The following FMN1 variants were observed in gnomAD, a reference collection of about 807,000 sequenced individuals.
FMN1 encodes the protein formin 1, also known as formin-1.
FMN1 carries 110 observed loss-of-function variants against 132.4 expected under a neutral mutation model. That is an observed-to-expected ratio of 0.83 (90% CI 0.71 to 0.97). The LOEUF (loss-of-function observed/expected upper bound fraction) is 0.97. FMN1 is among the 50% of genes least tolerant of loss of function. FMN1 has a pLI of 0.00. For missense variants in FMN1, 1,792 were observed against 1,705.3 expected, an observed-to-expected ratio of 1.05 and a Z score of -0.90; for synonymous variants, 722 against 651.7, an observed-to-expected ratio of 1.11 and a Z score of -1.64.
intron 4 of FMN1, among the ~76,000 whole-genome samples, chr15:33,112,298 A>AG (rs2140131009): frequency 6.6e-6 from 1 of 151,824 alleles, no homozygotes; most frequent in Non-Finnish European, 1.5e-5. Context: ...ATAAAACAAA[A>AG]TATTTTTATA....
intron 4 of FMN1, among the ~76,000 whole-genome samples, 160 bp from the exon 5 acceptor site, chr15:33,089,134 T>G (rs2038813565): frequency 6.6e-6 from 1 of 152,234 alleles, no homozygotes; most frequent in Admixed American, 6.5e-5. Flanking sequence ...AAAGTATTTC[T>G]CCCGACAATT....
At chr15:32,781,348 T>G (rs763676317) in intron 19 of FMN1, among the ~76,000 whole-genome samples, 1 of 152,220 alleles carries the variant, frequency 6.6e-6, no homozygotes, top group African/African-American at 2.4e-5. Context: ...GCTAATGTTA[T>G]ACAATTTGCT....
chr15:32,957,325 T>TTTTAC (rs1555504537), intron 9 of FMN1, among the ~76,000 whole-genome samples: 1 of 137,312 alleles, frequency 7.3e-6, no homozygotes, highest in Non-Finnish European at 1.5e-5. Context: ...TTTTTTTTTT[T>TTTTAC]ACAGGAACCA....
At chr15:32,868,457 G>GCTACA (rs1277077078) in intron 16 of FMN1, among the ~76,000 whole-genome samples, 1 of 152,090 alleles carries the variant, frequency 6.6e-6, no homozygotes, top group Non-Finnish European at 1.5e-5. Flanking sequence ...TGTGAAGTAG[G>GCTACA]CTACACCATC....
chr15:32,913,380 T>C (rs1158021537), intron 10 of FMN1, among the ~76,000 whole-genome samples: 2 of 152,150 alleles, frequency 1.3e-5, no homozygotes, highest in African/African-American at 4.8e-5. Flanking sequence ...ATACCTCCAA[T>C]ATCTTCCTTT....
At position 32,841,600 on chromosome 15, in the gene FMN1, T is replaced by C. The variant is rs764816219; in HGVS notation, c.3928+15415A>G. Among the ~76,000 whole-genome samples, 74 of 152,304 alleles carry C rather than the reference T, an allele frequency of 4.9e-4. 1 individual carries two copies. The highest frequency in any genetic ancestry group is 2.2e-3 in the Admixed American group (33 of 15,294). Reference sequence around the variant, plus strand: ...TTATATTAAAGTCCTAGGAAATATATTCTGGCTGATGTGATGGTTCTTGTG... The same window carrying C: ...TTATATTAAAGTCCTAGGAAATATACTCTGGCTGATGTGATGGTTCTTGTG... On this transcript the variant is annotated intron_variant, in intron 17 of 20. Coordinates refer to ENST00000616417, the MANE Select transcript of FMN1 (RefSeq NM_001277313.2).
intron 17 of FMN1, among the ~76,000 whole-genome samples, chr15:32,846,324 T>C (rs753685490): frequency 3.9e-5 from 6 of 152,154 alleles, no homozygotes; most frequent in African/African-American, 7.2e-5. Flanking sequence ...ATTTTTGCAA[T>C]CTACCCATAT....
chr15:32,811,371 T>A (rs1047906229), intron 17 of FMN1, among the ~76,000 whole-genome samples: 9 of 152,116 alleles, frequency 5.9e-5, no homozygotes, highest in Non-Finnish European at 1.3e-4. Flanking sequence ...TAAAGTGTTA[T>A]GAGGTTGTAT....
intron 16 of FMN1, among the ~76,000 whole-genome samples, chr15:32,861,661 AAG>A (rs140179054): frequency 1.3e-3 from 195 of 152,342 alleles, no homozygotes; most frequent in Non-Finnish European, 2.2e-3. Flanking sequence ...TCAGAACAGC[AAG>A]AGAGTCATGG....
chr15:32,943,555 G>T (rs2061442483), intron 9 of FMN1, among the ~76,000 whole-genome samples: 2 of 152,306 alleles, frequency 1.3e-5, no homozygotes, highest in Admixed American at 1.3e-4. Context: ...CATAATGACT[G>T]TTATGTTTCT....
chr15:33,178,136 A>G (rs1179678979), intron 3 of FMN1, among the ~76,000 whole-genome samples: 1 of 152,230 alleles, frequency 6.6e-6, no homozygotes. Flanking sequence ...TGAATGTAAA[A>G]AAATTTAAAT....
At chr15:32,970,682 G>A (rs948522557) in intron 7 of FMN1, 8 of 151,836 alleles carry the variant, frequency 5.3e-5, no homozygotes, top group African/African-American at 1.9e-4. Context: ...TGGAGGGAAA[G>A]GTATACACAC....
intron 7 of FMN1, among the ~76,000 whole-genome samples, chr15:32,972,845 C>T (rs1316490372): frequency 3.3e-5 from 5 of 152,192 alleles, no homozygotes; most frequent in Admixed American, 1.3e-4. Context: ...TGCCTCAGAT[C>T]CAACAGGTTG....
At chr15:33,115,326 A>G (rs1283783562) in intron 4 of FMN1, among the ~76,000 whole-genome samples, 2 of 152,194 alleles carry the variant, frequency 1.3e-5, no homozygotes, top group Non-Finnish European at 2.9e-5. Context: ...ATAAAATCTA[A>G]CGAGTCAAAT....
chr15:32,999,513 T>C (rs1470996109), intron 7 of FMN1, among the ~76,000 whole-genome samples: 3 of 152,252 alleles, frequency 2.0e-5, no homozygotes, highest in African/African-American at 7.2e-5. Flanking sequence ...ATTTTCAGTT[T>C]GGCATTGATC....
chr15:32,789,292 C>T (rs185129129), intron 19 of FMN1, among the ~76,000 whole-genome samples: 62 of 152,194 alleles, frequency 4.1e-4, no homozygotes, highest in African/African-American at 1.4e-3. Flanking sequence ...CAGTAAACCC[C>T]CAAAATTCTG....
intron 7 of FMN1, among the ~76,000 whole-genome samples, chr15:33,006,755 T>C (rs1209478597): frequency 5.9e-5 from 9 of 152,126 alleles, no homozygotes; most frequent in Admixed American, 5.9e-4. Context: ...TGGATGAACC[T>C]AGAGAACATT....
At chr15:32,990,083 A>G (rs1456707600) in intron 7 of FMN1, among the ~76,000 whole-genome samples, 2 of 152,190 alleles carry the variant, frequency 1.3e-5, no homozygotes, top group Non-Finnish European at 1.5e-5. Context: ...TTGAGATACT[A>G]AAAATATTTC....
chr15:32,809,818 G>T (rs2141034111), intron 17 of FMN1, among the ~76,000 whole-genome samples: 1 of 152,258 alleles, frequency 6.6e-6, no homozygotes, highest in East Asian at 1.9e-4. Context: ...CTGGCTTGCA[G>T]CTGGCTTTTC....
Sources: gnomAD v4.1 joint callset for allele counts (sites outside exome capture counted in the v4.1 genomes callset) on GRCh38, gnomAD v4.1.1 for gene constraint, MANE v1.5 for transcripts, NCBI Gene and HGNC (gene_info 2026-07-23, HGNC 2026-07-21) for gene names.